AGBL4: variants seen among roughly 807,000 people sequenced by gnomAD.
The protein encoded by AGBL4 is cytosolic carboxypeptidase 6.
Under a neutral mutation model 66.4 loss-of-function variants are expected in AGBL4, and 58 were observed. The observed-to-expected ratio is 0.87, with a 90% CI of 0.71 to 1.09. AGBL4 has a LOEUF of 1.09. AGBL4 is among the 50% of genes least tolerant of loss of function. The pLI is 0.00. For synonymous variants in AGBL4, 234 were observed against 222.9 expected (o/e 1.05, Z -0.44); for missense variants, 579 against 631.0 (o/e 0.92, Z 0.88).
At chr1:49,192,957 G>A (rs575979815) in intron 4 of AGBL4, among the ~76,000 whole-genome samples, 2 of 152,260 alleles carry the variant, frequency 1.3e-5, no homozygotes, top group South Asian at 4.1e-4. Context: ...TTAGGAGGTT[G>A]TATGCTTCCA....
intron 3 of AGBL4, among the ~76,000 whole-genome samples, chr1:49,334,064 G>A (rs549672860): frequency 6.6e-6 from 1 of 152,266 alleles, no homozygotes; most frequent in East Asian, 1.9e-4. Flanking sequence ...GTGTAGCCAT[G>A]AGTAATAATT....
chr1:49,206,015 A>C (rs1251470475), intron 4 of AGBL4, among the ~76,000 whole-genome samples: 2 of 152,190 alleles, frequency 1.3e-5, no homozygotes, highest in East Asian at 3.9e-4. Context: ...AGATCATGTC[A>C]GCATTAGCCA....
chr1:49,937,552 A>G (rs1421713409), intron 1 of AGBL4, among the ~76,000 whole-genome samples: 1 of 152,150 alleles, frequency 6.6e-6, no homozygotes, highest in Admixed American at 6.5e-5. Flanking sequence ...TTTCAGCACC[A>G]CACCACACCT....
At chr1:48,944,184 G>A (rs1261067391) in intron 5 of AGBL4, among the ~76,000 whole-genome samples, 1 of 152,166 alleles carries the variant, frequency 6.6e-6, no homozygotes, top group Non-Finnish European at 1.5e-5. Flanking sequence ...TCAGATGGTG[G>A]TGGGGTGGCC....
chr1:49,461,884 G>A (rs138158467), intron 3 of AGBL4, among the ~76,000 whole-genome samples: 1,659 of 151,804 alleles, frequency 0.011, 27 homozygotes, highest in African/African-American at 0.038. Flanking sequence ...GGGCATTTGG[G>A]TTGGTTCCAA....
At chr1:48,569,122 A>G (rs1486506407) in intron 11 of AGBL4, among the ~76,000 whole-genome samples, 1 of 152,226 alleles carries the variant, frequency 6.6e-6, no homozygotes, top group Non-Finnish European at 1.5e-5. Context: ...ATTAGGGTAC[A>G]GCTCAAAACC....
intron 6 of AGBL4, among the ~76,000 whole-genome samples, chr1:48,741,777 C>T (rs1391634109): frequency 3.3e-5 from 5 of 152,112 alleles, no homozygotes; most frequent in Non-Finnish European, 5.9e-5. Context: ...ACACATGACG[C>T]GTTAAGGAGA....
intron 3 of AGBL4, among the ~76,000 whole-genome samples, chr1:49,435,121 A>G (rs1324109192): frequency 6.6e-6 from 1 of 152,192 alleles, no homozygotes; most frequent in East Asian, 1.9e-4. Context: ...TTTGCTTCAG[A>G]GCACATATAA....
intron 5 of AGBL4, among the ~76,000 whole-genome samples, chr1:48,975,358 A>G (rs1031108617): frequency 1.3e-5 from 2 of 152,114 alleles, no homozygotes; most frequent in South Asian, 2.1e-4. Context: ...CCAGACTACA[A>G]TGAATGTTGC....
Position 48,736,950 on chromosome 1 carries a change from A to T in AGBL4, c.635-73709T>A, listed in dbSNP as rs1464253664. Reference sequence around the variant, plus strand: ...TACCTTCCTAGTATGGTGGTTCTCAACCTTGGCTGCACACAGGGGTCACCT... The same window carrying T: ...TACCTTCCTAGTATGGTGGTTCTCATCCTTGGCTGCACACAGGGGTCACCT... On this transcript the variant is annotated intron_variant, in intron 6 of 13. Transcript: ENST00000371839. This position sits in a 1 kb window ranked among gnomAD's most constrained non-coding sequence, Gnocchi z 4.0. Among the ~76,000 whole-genome samples, 1 of 152,088 alleles carries T rather than the reference A, an allele frequency of 6.6e-6. No individual in the cohort carries two copies. The highest frequency in any genetic ancestry group is 6.5e-5 in the Admixed American group (1 of 15,270).
At chr1:49,981,818 A>G (rs1484499918) in intron 1 of AGBL4, among the ~76,000 whole-genome samples, 1 of 152,256 alleles carries the variant, frequency 6.6e-6, no homozygotes, top group South Asian at 2.1e-4. Flanking sequence ...AATAAATCTG[A>G]TAAATGGATT....
intron 2 of AGBL4, among the ~76,000 whole-genome samples, chr1:49,800,439 T>C (rs1644832610): frequency 7.0e-6 from 1 of 143,262 alleles, no homozygotes; most frequent in South Asian, 2.3e-4. Context: ...TATGTATACA[T>C]GTGCCATGCT....
intron 3 of AGBL4, among the ~76,000 whole-genome samples, chr1:49,269,485 GC>G (rs2148382931): frequency 6.6e-6 from 1 of 152,186 alleles, no homozygotes; most frequent in Admixed American, 6.5e-5. Context: ...GCCTTTCCTT[GC>G]CCAGATCCAG....
chr1:49,567,773 C>T (rs1386960158), intron 3 of AGBL4, among the ~76,000 whole-genome samples: 1 of 152,056 alleles, frequency 6.6e-6, no homozygotes, highest in African/African-American at 2.4e-5. Flanking sequence ...GGAAAAGACA[C>T]AGCAAAAGAA....
chr1:49,185,411 C>G (rs1456755743), intron 4 of AGBL4, among the ~76,000 whole-genome samples: 2 of 152,166 alleles, frequency 1.3e-5, no homozygotes, highest in African/African-American at 4.8e-5. Context: ...TACCACTTGT[C>G]CATAGTTAAC....
At chr1:49,272,750 C>CT (rs1644087437) in intron 3 of AGBL4, among the ~76,000 whole-genome samples, 1 of 152,056 alleles carries the variant, frequency 6.6e-6, no homozygotes, top group Admixed American at 6.6e-5. Context: ...GTCTTTATGT[C>CT]TATATACACA....
intron 10 of AGBL4, among the ~76,000 whole-genome samples, chr1:48,588,840 GA>G (rs1307372732): frequency 7.9e-5 from 12 of 151,540 alleles, no homozygotes; most frequent in Non-Finnish European, 1.2e-4. Context: ...GAGAAGAGAA[GA>G]GAAGAGAAGA....
At chr1:49,154,542 G>A (rs932473735) in intron 4 of AGBL4, among the ~76,000 whole-genome samples, 2 of 152,038 alleles carry the variant, frequency 1.3e-5, no homozygotes, top group Non-Finnish European at 2.9e-5. Context: ...TTGTCTATTG[G>A]CTTTCCAACT....
chr1:49,759,360 T>C (rs1409557967), intron 2 of AGBL4, among the ~76,000 whole-genome samples: 1 of 152,138 alleles, frequency 6.6e-6, no homozygotes, highest in Non-Finnish European at 1.5e-5. Flanking sequence ...AAAATATACC[T>C]AGACAGCACT....
Sources: gnomAD v4.1 joint callset for allele counts (sites outside exome capture counted in the v4.1 genomes callset) on GRCh38, gnomAD v4.1.1 for gene constraint, Gnocchi (gnomAD v3.1) non-coding constraint, MANE v1.5 for transcripts, NCBI Gene and HGNC (gene_info 2026-07-23, HGNC 2026-07-21) for gene names.